Variants in RNF220 observed in about 807,000 individuals in gnomAD.
RNF220 encodes the protein ring finger protein 220, also known as E3 ubiquitin-protein ligase RNF220.
Under a neutral mutation model 67.1 loss-of-function variants are expected in RNF220, and 7 were observed. The observed-to-expected ratio is 0.10, with a 90% CI of 0.06 to 0.20. The LOEUF is 0.20. Among genes scored for constraint, RNF220 ranks in the 10% least tolerant of loss-of-function variants. RNF220 has a pLI of 1.00. For missense variants in RNF220, 565 were observed against 740.3 expected (o/e 0.76, Z 2.75); for synonymous variants, 270 against 283.2 (o/e 0.95, Z 0.47).
At chr1:44,461,818 T>G (rs1198991465) in intron 2 of RNF220, among the ~76,000 whole-genome samples, 1 of 152,312 alleles carries the variant, frequency 6.6e-6, no homozygotes, top group South Asian at 2.1e-4. Flanking sequence ...ATTTTAGTTC[T>G]TGTTAATGGC....
intron 2 of RNF220, chr1:44,424,153 C>G (rs1290611409): frequency 3.4e-6 from 1 of 293,550 alleles, no homozygotes; most frequent in East Asian, 1.7e-4. Flanking sequence ...AGTAGCTAAA[C>G]TGTATATATG....
chr1:44,424,502 A>G (rs1649547102), intron 2 of RNF220, among the ~76,000 whole-genome samples: 1 of 152,138 alleles, frequency 6.6e-6, no homozygotes, highest in Non-Finnish European at 1.5e-5. Context: ...TCTCGGGGGA[A>G]GGTTTCACCG....
intron 1 of RNF220, among the ~76,000 whole-genome samples, chr1:44,408,372 C>G (rs2147793483): frequency 6.6e-6 from 1 of 152,326 alleles, no homozygotes; most frequent in South Asian, 2.1e-4. Flanking sequence ...TCGGCCCTAG[C>G]CCGGGAACTG....
At chr1:44,626,197 T>C in intron 4 of RNF220, 100 bp from the exon 5 acceptor site, 1 of 829,858 alleles carries the variant, frequency 1.2e-6, no homozygotes, top group Non-Finnish European at 2.0e-6. Context: ...AGCCTCCTTC[T>C]CTTTGCCTGG....
At position 44,650,598 on chromosome 1, in the gene RNF220, G is replaced by A. The variant is rs146814519; in HGVS notation, c.1630-106G>A. ...CCCAGCCTGGGCTGACAGGACCAAG[G>A]TCTCAGCACACACTGGTGCAGAGAG... On this transcript the variant is annotated intron_variant, in intron 14 of 14. Transcript: ENST00000361799. This position sits in a 1 kb window ranked among gnomAD's most constrained non-coding sequence, Gnocchi z 4.3. The A allele has an allele frequency of 1.7e-4, 212 of 1,234,960 alleles. No individual in the cohort carries two copies. In the East Asian group the frequency reaches 4.4e-3, roughly 26 times the overall value. 76.5% of individuals were successfully genotyped at this position (1,234,960 alleles called of 1,614,324 possible).
At chr1:44,513,790 G>C (rs1176820758) in intron 2 of RNF220, among the ~76,000 whole-genome samples, 1 of 152,086 alleles carries the variant, frequency 6.6e-6, no homozygotes, top group African/African-American at 2.4e-5. Flanking sequence ...CTGCATGTGT[G>C]CGCGTGTGTC....
chr1:44,607,013 A>G (rs1207820941), intron 2 of RNF220, among the ~76,000 whole-genome samples: 2 of 152,132 alleles, frequency 1.3e-5, no homozygotes, highest in Non-Finnish European at 2.9e-5. Context: ...AAATCAGTCA[A>G]TGTTCTACCA....
chr1:44,548,990 C>A (rs924535407), intron 2 of RNF220, among the ~76,000 whole-genome samples: 3 of 152,168 alleles, frequency 2.0e-5, no homozygotes, highest in African/African-American at 4.8e-5. Context: ...AGTTCCAGAC[C>A]AGCCTGGGCA....
intron 6 of RNF220, chr1:44,632,624 G>GT (rs11424857): frequency 0.17 from 97,494 of 584,806 alleles, 8,761 homozygotes; most frequent in African/African-American, 0.26. Flanking sequence ...GAAGAACCCT[G>GT]GGGGGGCAAT....
rs569675693 is a variant in RNF220 at position 44,640,492 on chromosome 1, T to C, written c.1127-4206T>C. Among the ~76,000 whole-genome samples the C allele has an allele frequency of 1.6e-4, 25 of 152,320 alleles. No homozygotes were observed. In the East Asian group the frequency reaches 4.4e-3, roughly 27 times the overall value. On this transcript the variant is annotated intron_variant, in intron 8 of 14. Coordinates refer to ENST00000361799, the MANE Select transcript of RNF220 (RefSeq NM_018150.4). ...GATTTAATCGCCTTTTGGAACACAA[T>C]TGTTAAGCTAGGACAGAGGGAGTGC...
intron 2 of RNF220, among the ~76,000 whole-genome samples, chr1:44,414,055 A>C (rs948192366): frequency 6.6e-6 from 1 of 151,986 alleles, no homozygotes; most frequent in Non-Finnish European, 1.5e-5. Flanking sequence ...TAAGCCGGAG[A>C]CCTCCCCACT....
At chr1:44,544,438 C>G (rs1488543325) in intron 2 of RNF220, among the ~76,000 whole-genome samples, 10 of 152,230 alleles carry the variant, frequency 6.6e-5, no homozygotes, top group African/African-American at 2.2e-4. Flanking sequence ...AATACCAGTA[C>G]TAGCCAGCAC....
intron 2 of RNF220, among the ~76,000 whole-genome samples, chr1:44,579,530 C>A (rs1165518648): frequency 6.6e-6 from 1 of 152,188 alleles, no homozygotes; most frequent in Non-Finnish European, 1.5e-5. Flanking sequence ...ACATGTGAGC[C>A]TGTTTGTCTA....
chr1:44,574,154 T>C (rs1664645319), intron 2 of RNF220, among the ~76,000 whole-genome samples: 2 of 152,124 alleles, frequency 1.3e-5, no homozygotes, highest in African/African-American at 4.8e-5. Flanking sequence ...AATGAATGAA[T>C]GAACGAATGA....
At chr1:44,513,063 C>T (rs923700299) in intron 2 of RNF220, among the ~76,000 whole-genome samples, 1 of 152,208 alleles carries the variant, frequency 6.6e-6, no homozygotes, top group African/African-American at 2.4e-5. Flanking sequence ...CTCTCTGCCC[C>T]CACTGCAGCC....
intron 2 of RNF220, among the ~76,000 whole-genome samples, chr1:44,532,110 C>T (rs988095858): frequency 6.6e-6 from 1 of 152,148 alleles, no homozygotes; most frequent in South Asian, 2.1e-4. Context: ...TACATATGTA[C>T]GCTCTTTATG....
intron 2 of RNF220, among the ~76,000 whole-genome samples, chr1:44,427,851 A>C (rs1347166568): frequency 6.6e-6 from 1 of 152,240 alleles, no homozygotes; most frequent in African/African-American, 2.4e-5. Context: ...AATGTTAGCT[A>C]TAATTAATAT....
At chr1:44,530,172 C>T (rs541393122) in intron 2 of RNF220, among the ~76,000 whole-genome samples, 10 of 152,122 alleles carry the variant, frequency 6.6e-5, no homozygotes, top group Admixed American at 2.6e-4. Flanking sequence ...TATGATCAGA[C>T]GAACCATATT....
chr1:44,644,775 C>G lies in RNF220; in HGVS notation c.1204C>G (p.Leu402Val). The change falls in exon 9 of 15, where the codon CTG (leucine) becomes GTG (valine). Residue 402 changes from leucine to valine, a missense_variant. Physicochemically the swap from Leu to Val is conservative, Grantham distance 32 (BLOSUM62 1). Coordinates refer to ENST00000361799, the MANE Select transcript of RNF220 (RefSeq NM_018150.4). ...ADLDVDGDDT[L>V]EYGKPQYTEA... ...CTTGGATGTGGATGGGGATGACACT[C>G]TGGAGTATGGGAAGCCACAGTATCC... 1 of 1,613,898 alleles carries G rather than the reference C, an allele frequency of 6.2e-7. No homozygotes were observed. The highest frequency in any genetic ancestry group is 8.5e-7 in the Non-Finnish European group (1 of 1,179,778).
Sources: allele counts gnomAD v4.1 joint callset (sites outside exome capture counted in the v4.1 genomes callset), GRCh38; gene constraint gnomAD v4.1.1; non-coding constraint Gnocchi (gnomAD v3.1); transcripts MANE v1.5; gene names NCBI Gene and HGNC (gene_info 2026-07-23, HGNC 2026-07-21).